Variants in VPS13B observed in about 807,000 individuals in gnomAD.
The protein encoded by VPS13B is vacuolar protein sorting 13 homolog B.
Under a neutral mutation model 426.4 loss-of-function variants are expected in VPS13B, and 285 were observed. The ratio of observed to expected loss-of-function variants is 0.67; its 90% CI spans 0.61 to 0.74. The LOEUF is 0.74. Among genes scored for constraint, VPS13B ranks in the 30% least tolerant of loss-of-function variants. The pLI, the probability that VPS13B is intolerant of heterozygous loss-of-function variation, is 0.00. For synonymous variants in VPS13B, 1,676 were observed against 1,676.4 expected (o/e 1.00, Z 0.01); for missense variants, 4,537 against 4,782.6 (o/e 0.95, Z 1.51).
intron 4 of VPS13B, among the ~76,000 whole-genome samples, chr8:99,098,776 C>G (rs1232622537): frequency 6.6e-6 from 1 of 152,000 alleles, no homozygotes; most frequent in East Asian, 1.9e-4. Context: ...TTAAAAAAAT[C>G]TCTTAAAACT....
At chr8:99,672,346 G>A (rs1270777122) in intron 35 of VPS13B, among the ~76,000 whole-genome samples, 1 of 152,044 alleles carries the variant, frequency 6.6e-6, no homozygotes, top group African/African-American at 2.4e-5. Flanking sequence ...TTGGTTAAAT[G>A]TATTCCTAAG....
At chr8:99,352,008 T>C (rs3110401) in intron 19 of VPS13B, among the ~76,000 whole-genome samples, 125,707 of 152,160 alleles carry the variant, frequency 0.83, 52,441 homozygotes, top group South Asian at 0.89. Flanking sequence ...ATTCTCAGTT[T>C]ATCTTCATAA....
intron 19 of VPS13B, among the ~76,000 whole-genome samples, chr8:99,310,224 A>G (rs1180845555): frequency 1.3e-5 from 2 of 152,124 alleles, no homozygotes; most frequent in African/African-American, 2.4e-5. Context: ...ACTATGTTGA[A>G]TAGGAGTGGT....
chr8:99,521,067 T>C (rs540494434), intron 30 of VPS13B, 57 bp downstream of exon 30: 273 of 1,339,316 alleles, frequency 2.0e-4, no homozygotes, highest in Non-Finnish European at 2.7e-4. Context: ...CAAACACATA[T>C]AGTGGTCAAT....
chr8:99,640,043 G>GAGAAAAGAAGAGAA (rs1554883859), intron 33 of VPS13B, among the ~76,000 whole-genome samples: 6 of 82,178 alleles, frequency 7.3e-5, no homozygotes, highest in Admixed American at 4.0e-4. Context: ...AGAAGAAGAA[G>GAGAAAAGAAGAGAA]AAGAAGAGAA....
rs1040009743 is a variant in VPS13B, at chr8:99,162,821, G to T, written c.2208+6078G>T. The stretch of plus-strand genomic sequence containing the variant: ...TTCCACAGTGTGGAAGGGAACCCGA[G>T]CGGGTTGCCAATGCTGGCTCGGGCA... On this transcript the variant is annotated intron_variant, in intron 15 of 61. Transcript: ENST00000357162. 2.6e-5 allele frequency among the ~76,000 whole-genome samples: 4 copies of T among 152,176 alleles called. No homozygotes were observed. The East Asian group carries it at 7.7e-4, about 29-fold the overall frequency.
At chr8:99,618,464 G>T (rs73271344) in intron 33 of VPS13B, among the ~76,000 whole-genome samples, 2,544 of 152,218 alleles carry the variant, frequency 0.017, 63 homozygotes, top group African/African-American at 0.058. Context: ...AAAAATACTG[G>T]AATTGAGTGA....
chr8:99,491,942 G>A (rs539559078), intron 25 of VPS13B, among the ~76,000 whole-genome samples: 9 of 152,244 alleles, frequency 5.9e-5, no homozygotes, highest in East Asian at 1.9e-4. Flanking sequence ...GAGAAGAGGC[G>A]CTCTGGTTTT....
rs548795993 is a variant in VPS13B, at chr8:99,186,783, G to A, written c.2334-6093G>A. Among the ~76,000 whole-genome samples the A allele has an allele frequency of 1.3e-3, 203 of 152,174 alleles. 2 individuals carry two copies. Among genetic ancestry groups the A allele is most frequent in the Non-Finnish European group, 2.0e-3 (134 of 67,948 alleles). The stretch of plus-strand genomic sequence containing the variant: ...TATTGAATTCTAACTTTTGTACAAA[G>A]TAAGCTTCTCCTTTGATATTAAAAT... On this transcript the variant is annotated intron_variant, in intron 16 of 61. Transcript: ENST00000357162.
intron 39 of VPS13B, among the ~76,000 whole-genome samples, chr8:99,735,969 C>T (rs997455457): frequency 6.6e-6 from 1 of 152,158 alleles, no homozygotes; most frequent in Non-Finnish European, 1.5e-5. Flanking sequence ...GTGTTCTCTG[C>T]GCTTGGGTCG....
chr8:99,671,189 G>T (rs1348424457), intron 35 of VPS13B, among the ~76,000 whole-genome samples: 2 of 152,142 alleles, frequency 1.3e-5, no homozygotes, highest in East Asian at 1.9e-4. Flanking sequence ...TAGCAGGAAT[G>T]ATGTGGTCTT....
At chr8:99,718,968 A>G (rs368324881) in intron 37 of VPS13B, among the ~76,000 whole-genome samples, 5 of 152,140 alleles carry the variant, frequency 3.3e-5, no homozygotes, top group Admixed American at 1.3e-4. Flanking sequence ...GTATTTATCT[A>G]AAAGTTGTAT....
chr8:99,587,890 CT>C (rs1239787721), intron 33 of VPS13B, among the ~76,000 whole-genome samples: 1 of 151,710 alleles, frequency 6.6e-6, no homozygotes, highest in African/African-American at 2.4e-5. Flanking sequence ...ACATGAAGTC[CT>C]TGCCCATGCC....
At chr8:99,777,877 C>T (rs1010263075) in intron 41 of VPS13B, among the ~76,000 whole-genome samples, 8 of 152,012 alleles carry the variant, frequency 5.3e-5, no homozygotes, top group African/African-American at 1.9e-4. Flanking sequence ...TACATTTTGA[C>T]TCATATATTA....
chr8:99,087,639 G>C (rs2132400615), intron 3 of VPS13B, among the ~76,000 whole-genome samples: 1 of 150,208 alleles, frequency 6.7e-6, no homozygotes, highest in South Asian at 2.1e-4. Flanking sequence ...TTATAGACTG[G>C]GTCTGTTTAT....
At chr8:99,753,870 A>G (rs2130554041) in intron 39 of VPS13B, among the ~76,000 whole-genome samples, 1 of 152,304 alleles carries the variant, frequency 6.6e-6, no homozygotes, top group South Asian at 2.1e-4. Flanking sequence ...GCAATGCAGT[A>G]AGCCACAATA....
At chr8:99,169,927 G>A (rs570234531) in intron 15 of VPS13B, 112 bp from the exon 16 acceptor site, 5 of 1,278,462 alleles carry the variant, frequency 3.9e-6, no homozygotes, top group East Asian at 2.4e-5. Context: ...AAAGACTTTG[G>A]AACATATTTA....
chr8:99,698,647 G>C (rs1832134267), intron 35 of VPS13B, among the ~76,000 whole-genome samples: 1 of 152,182 alleles, frequency 6.6e-6, no homozygotes, highest in Non-Finnish European at 1.5e-5. Flanking sequence ...ATGAGCACTT[G>C]TTAGGGTCAG....
At chr8:99,483,257 G>A (rs1033769145) in intron 25 of VPS13B, among the ~76,000 whole-genome samples, 2 of 152,100 alleles carry the variant, frequency 1.3e-5, no homozygotes, top group Non-Finnish European at 1.5e-5. Context: ...TAACCTAGGT[G>A]ATAAGATTAT....
Sources: allele counts gnomAD v4.1 joint callset (sites outside exome capture counted in the v4.1 genomes callset), GRCh38; gene constraint gnomAD v4.1.1; transcripts MANE v1.5; gene names NCBI Gene and HGNC (gene_info 2026-07-23, HGNC 2026-07-21).